Variants in TRAF3 observed in about 807,000 individuals in gnomAD.
TRAF3 encodes the protein TNF receptor-associated factor 3.
A neutral mutation model predicts 62.3 loss-of-function variants in TRAF3; 13 were observed. The observed-to-expected ratio is 0.21, with a 90% CI of 0.14 to 0.33. TRAF3 has a LOEUF of 0.33. Ranked by LOEUF, TRAF3 falls within the 10% of genes least tolerant of loss-of-function variation. The pLI is 1.00. For synonymous variants in TRAF3, 269 were observed against 283.4 expected, an observed-to-expected ratio of 0.95 and a Z score of 0.51; for missense variants, 440 against 741.8, an observed-to-expected ratio of 0.59 and a Z score of 4.73.
At chr14:102,816,461 A>C (rs1041469658) in intron 1 of TRAF3, among the ~76,000 whole-genome samples, 1 of 152,326 alleles carries the variant, frequency 6.6e-6, no homozygotes, top group Middle Eastern at 3.4e-3. Context: ...GTGGTTTAAA[A>C]AAATGCAAAA....
chr14:102,848,194 G>A (rs1258920677), intron 2 of TRAF3, among the ~76,000 whole-genome samples: 1 of 152,216 alleles, frequency 6.6e-6, no homozygotes, highest in African/African-American at 2.4e-5. Flanking sequence ...GTGATTGAGT[G>A]GCTGAGGTGG....
At chr14:102,835,433 TAA>T (rs796759850) in intron 2 of TRAF3, among the ~76,000 whole-genome samples, 5 of 152,266 alleles carry the variant, frequency 3.3e-5, no homozygotes, top group African/African-American at 1.2e-4. Flanking sequence ...TGTTCTACCA[TAA>T]AGATATGTAC....
intron 1 of TRAF3, among the ~76,000 whole-genome samples, chr14:102,780,623 C>T (rs1566732433): frequency 6.6e-6 from 1 of 151,534 alleles, no homozygotes; most frequent in Non-Finnish European, 1.5e-5. Context: ...CTGTTGGTTT[C>T]TATCAACTTT....
chr14:102,805,200 A>G (rs1343929800), intron 1 of TRAF3, among the ~76,000 whole-genome samples: 2 of 152,126 alleles, frequency 1.3e-5, no homozygotes, highest in Non-Finnish European at 2.9e-5. Context: ...ACACCCCATC[A>G]CCACTCCCAT....
chr14:102,796,020 C>T (rs1898064845), intron 1 of TRAF3, among the ~76,000 whole-genome samples: 2 of 152,244 alleles, frequency 1.3e-5, no homozygotes, highest in Admixed American at 1.3e-4. Flanking sequence ...AGTTTGAGAC[C>T]AGCCTGGTCA....
At chr14:102,905,106 C>T (rs1177580587) in intron 11 of TRAF3, 107 bp from the exon 12 acceptor site, 64 of 1,179,148 alleles carry the variant, frequency 5.4e-5, no homozygotes, top group South Asian at 1.0e-4. Flanking sequence ...AGCGAGACTC[C>T]GTCTCAAAAA....
chr14:102,823,953 C>T (rs772802404), intron 1 of TRAF3, among the ~76,000 whole-genome samples: 37 of 152,116 alleles, frequency 2.4e-4, no homozygotes, highest in Non-Finnish European at 3.7e-4. Flanking sequence ...TTGTTAATGT[C>T]GAATATTATT....
intron 10 of TRAF3, among the ~76,000 whole-genome samples, 176 bp downstream of exon 10, chr14:102,897,577 C>T (rs187827484): frequency 5.9e-5 from 9 of 152,198 alleles, no homozygotes; most frequent in African/African-American, 1.4e-4. Flanking sequence ...AGCACAGGCC[C>T]GGCCTGGGAA....
chr14:102,829,304 G>A (rs965631950), intron 1 of TRAF3, among the ~76,000 whole-genome samples: 1 of 152,212 alleles, frequency 6.6e-6, no homozygotes, highest in Non-Finnish European at 1.5e-5. Context: ...GCCTGCATTC[G>A]TGATTAGTGT....
rs117026917 is a variant in TRAF3 at position 102,870,504 on chromosome 14, C to G, written c.245+58C>G. ...CCTTCTCAGCCCTCGGCCTCACCCT[C>G]TCCTTCATTCGTTTCTCTAAAAATA... On this transcript the variant is annotated intron_variant, in intron 3 of 11. Transcript: ENST00000392745. 10,729 of 1,596,322 alleles carry G rather than the reference C, an allele frequency of 6.7e-3. 43 individuals carry two copies. Among genetic ancestry groups the G allele is most frequent in the Middle Eastern group, 9.2e-3 (42 of 4,584 alleles).
rs886668355 is a variant in TRAF3 at position 102,905,953 on chromosome 14, C to G, written c.*169C>G. Reference sequence around the variant, plus strand: ...GAGCCACGCGTGAGCACACCTGACACGTTTTATAATAGACTAGCCACACTT... The same window carrying G: ...GAGCCACGCGTGAGCACACCTGACAGGTTTTATAATAGACTAGCCACACTT... On this transcript the variant is annotated 3_prime_UTR_variant, in exon 12 of 12. Coordinates refer to ENST00000392745, the MANE Select transcript of TRAF3 (RefSeq NM_145725.3). The G allele has an allele frequency of 1.7e-6, 1 of 594,670 alleles. No individual in the cohort carries two copies. The highest frequency in any genetic ancestry group is 3.0e-6 in the Non-Finnish European group (1 of 335,144). The allele number at this position is 594,670 out of a possible 1,614,324, so 36.8% of individuals were successfully genotyped here.
At chr14:102,824,192 T>TGCTACTTGTGACTGGG (rs1188720325) in intron 1 of TRAF3, among the ~76,000 whole-genome samples, 1 of 152,234 alleles carries the variant, frequency 6.6e-6, no homozygotes, top group Non-Finnish European at 1.5e-5. Context: ...ACAGACAGTT[T>TGCTACTTGTGACTGGG]GCTACTTGTG....
intron 9 of TRAF3, among the ~76,000 whole-genome samples, chr14:102,893,822 C>T (rs966972384): frequency 1.6e-4 from 25 of 152,186 alleles, no homozygotes; most frequent in African/African-American, 5.8e-4. Context: ...GTCAGGCCAG[C>T]CAGCTCGGCT....
At chr14:102,814,589 G>T (rs1345538883) in intron 1 of TRAF3, among the ~76,000 whole-genome samples, 7 of 152,126 alleles carry the variant, frequency 4.6e-5, no homozygotes, top group Non-Finnish European at 4.4e-5. Context: ...GCATGATACA[G>T]CTCAGTGCAG....
chr14:102,782,037 A>G (rs1258381946), intron 1 of TRAF3, among the ~76,000 whole-genome samples: 3 of 151,760 alleles, frequency 2.0e-5, no homozygotes, highest in African/African-American at 7.3e-5. Flanking sequence ...CAAGTGATCC[A>G]CCTGCCTCGG....
Position 102,903,817 on chromosome 14 carries a change from C to T in TRAF3, c.1135+388C>T. ...CCCACTCCTAAGGGCCAGGGGGCAG[C>T]AGTCCCACCGCGCTCTGCCAGCATG... On this transcript the variant is annotated intron_variant, in intron 11 of 11. Transcript: ENST00000392745. The surrounding 1 kb of genome is among the most constrained non-coding windows in gnomAD (Gnocchi z 6.4). 1 of 474,852 alleles carries T rather than the reference C, an allele frequency of 2.1e-6. No homozygotes were observed. Among genetic ancestry groups the T allele is most frequent in the Non-Finnish European group, 4.2e-6 (1 of 239,552 alleles). The allele number at this position is 474,852 out of a possible 1,614,324, so 29.4% of individuals were successfully genotyped here.
At chr14:102,820,510 A>G (rs1177232051) in intron 1 of TRAF3, among the ~76,000 whole-genome samples, 2 of 136,468 alleles carry the variant, frequency 1.5e-5, no homozygotes, top group Non-Finnish European at 3.1e-5. Context: ...TTTCAGATGC[A>G]TTTTGATGTA....
At chr14:102,830,306 T>C (rs1200508461) in intron 1 of TRAF3, 28 bp from the exon 2 acceptor site, 1 of 152,312 alleles carries the variant, frequency 6.6e-6, no homozygotes, top group Non-Finnish European at 1.5e-5. Context: ...TAAGAATCTT[T>C]GTCTAATCCA....
chr14:102,877,765 T>C (rs964211587), intron 6 of TRAF3, among the ~76,000 whole-genome samples: 1 of 151,340 alleles, frequency 6.6e-6, no homozygotes, highest in Non-Finnish European at 1.5e-5. Flanking sequence ...TCCACAGGCC[T>C]TCCGCTCAGC....
Sources: gnomAD v4.1 joint callset for allele counts (sites outside exome capture counted in the v4.1 genomes callset) on GRCh38, gnomAD v4.1.1 for gene constraint, Gnocchi (gnomAD v3.1) non-coding constraint, MANE v1.5 for transcripts, NCBI Gene and HGNC (gene_info 2026-07-23, HGNC 2026-07-21) for gene names.